Variants in MRNIP observed in about 807,000 individuals in gnomAD.
MRNIP encodes the protein MRN complex-interacting protein.
In MRNIP, 30 loss-of-function variants were observed where a neutral mutation model predicts 29.8. That is an observed-to-expected ratio of 1.01 (90% CI 0.75 to 1.36). The LOEUF is 1.36. Among genes scored for constraint, MRNIP ranks in the 40% most tolerant of loss-of-function variants. The probability of loss-of-function intolerance (pLI) is 0.00; values close to 1 mark genes in which losing one functional copy is unlikely to be tolerated. For synonymous variants in MRNIP, 201 were observed against 164.1 expected (o/e 1.23, Z -1.72); for missense variants, 459 against 423.5 (o/e 1.08, Z -0.74).
chr5:179,841,668 C>G, intron 5 of MRNIP: 4 of 557,958 alleles, frequency 7.2e-6, no homozygotes, highest in Non-Finnish European at 1.3e-5. Flanking sequence ...ATTAAGTGGG[C>G]ATCATAAAGG....
intron 3 of MRNIP, 105 bp from the exon 4 acceptor site, chr5:179,844,332 C>G: frequency 1.2e-6 from 1 of 864,372 alleles, no homozygotes. Flanking sequence ...GCAGGTGGAT[C>G]ACCTGAGGTC....
chr5:179,842,956 T>C (rs936393225), intron 4 of MRNIP, among the ~76,000 whole-genome samples: 1 of 149,444 alleles, frequency 6.7e-6, no homozygotes, highest in Non-Finnish European at 1.5e-5. Flanking sequence ...TTGCTTGAAC[T>C]CAGGAGGCAG....
At position 179,855,037 on chromosome 5, in the gene MRNIP, C is replaced by A. The variant is rs1234135314; in HGVS notation, c.67-1600G>T. ...ATAAAAATTATAAAGGAGCGGAAAA[C>A]CCTATCATTATTTATAGACATAATT... On this transcript the variant is annotated intron_variant, in intron 1 of 6. Coordinates refer to ENST00000292586, the MANE Select transcript of MRNIP (RefSeq NM_016175.4). Among the ~76,000 whole-genome samples the A allele has an allele frequency of 2.0e-5, 3 of 152,154 alleles. No individual in the cohort carries two copies. The East Asian group carries it at 5.8e-4, about 29-fold the overall frequency.
rs371216766 is a variant in MRNIP at position 179,844,778 on chromosome 5, A to T, written c.216-551T>A. Among the ~76,000 whole-genome samples the T allele has an allele frequency of 1.1e-4, 16 of 152,294 alleles. No homozygotes were observed. In the South Asian group the frequency reaches 2.5e-3, roughly 24 times the overall value. ...AATTGTCCACTGCATATATATAGAA[A>T]TACAATTTAATTTTGTATGTTGACC... On this transcript the variant is annotated intron_variant, in intron 3 of 6. Coordinates refer to ENST00000292586, the MANE Select transcript of MRNIP (RefSeq NM_016175.4).
At chr5:179,842,380 C>A (rs1758916361) in intron 4 of MRNIP, among the ~76,000 whole-genome samples, 3 of 151,950 alleles carry the variant, frequency 2.0e-5, no homozygotes, top group Admixed American at 2.0e-4. Context: ...TAGCAAATTT[C>A]ATTTATAAGA....
chr5:179,837,912 C>T, intron 6 of MRNIP, 27 bp from the exon 7 acceptor site: 1 of 1,591,094 alleles, frequency 6.3e-7, no homozygotes, highest in Non-Finnish European at 8.5e-7. Flanking sequence ...CCATGCCCTC[C>T]ATGTGTAAGA....
chr5:179,851,357 ACT>A, intron 2 of MRNIP: 1 of 455,928 alleles, frequency 2.2e-6, no homozygotes, highest in East Asian at 7.0e-5. Flanking sequence ...TATAATTGAG[ACT>A]CAGCTCTTCC....
intron 1 of MRNIP, among the ~76,000 whole-genome samples, chr5:179,854,128 C>A (rs986081358): frequency 1.3e-5 from 2 of 151,024 alleles, no homozygotes; most frequent in South Asian, 4.2e-4. Flanking sequence ...TCACGCCATT[C>A]TCCTGTGTCA....
At position 179,849,375 on chromosome 5, in the gene MRNIP, G is replaced by A. The variant is rs139809147; in HGVS notation, c.127-1309C>T. The stretch of plus-strand genomic sequence containing the variant: ...GATGGAATTTGTGACCATGGATCCT[G>A]CAATGACACAGGCAGATGGTAAGAG... On this transcript the variant is annotated intron_variant, in intron 2 of 6. Transcript: ENST00000292586. Among the ~76,000 whole-genome samples the A allele has an allele frequency of 7.3e-3, 1,104 of 150,694 alleles. 22 individuals carry two copies. The highest frequency in any genetic ancestry group is 0.026 in the African/African-American group (1,053 of 40,466).
chr5:179,845,616 C>T (rs1759095465), intron 3 of MRNIP, among the ~76,000 whole-genome samples: 1 of 151,670 alleles, frequency 6.6e-6, no homozygotes, highest in African/African-American at 2.4e-5. Context: ...ATGCCTCAGC[C>T]TCCTGAGTAG....
chr5:179,848,154 A>G, intron 2 of MRNIP, 88 bp from the exon 3 acceptor site: 1 of 996,676 alleles, frequency 1.0e-6, no homozygotes, highest in Non-Finnish European at 1.6e-6. Flanking sequence ...CAGGGAGGAC[A>G]AAGCTGTATT....
intron 2 of MRNIP, 102 bp downstream of exon 2, chr5:179,853,274 ACT>A: frequency 1.0e-5 from 16 of 1,597,894 alleles, no homozygotes; most frequent in Non-Finnish European, 1.4e-5. Context: ...TGTCTGGGGA[ACT>A]CTGTTTGAGA....
intron 2 of MRNIP, among the ~76,000 whole-genome samples, chr5:179,848,737 A>G (rs1759230820): frequency 6.6e-6 from 1 of 152,372 alleles, no homozygotes; most frequent in South Asian, 2.1e-4. Flanking sequence ...TAAGGTGTTC[A>G]AAATGGTCAA....
At chr5:179,853,497 C>G in intron 1 of MRNIP, 60 bp from the exon 2 acceptor site, 2 of 1,428,434 alleles carry the variant, frequency 1.4e-6, no homozygotes, top group Non-Finnish European at 1.9e-6. Context: ...TGGAATTGGG[C>G]TGGACTCGGT....
chr5:179,844,288 C>T, intron 3 of MRNIP, 61 bp from the exon 4 acceptor site: 1 of 1,384,798 alleles, frequency 7.2e-7, no homozygotes, highest in South Asian at 1.2e-5. Flanking sequence ...CACAGTGGCT[C>T]ACTCCTGTAA....
intron 6 of MRNIP, 161 bp downstream of exon 6, chr5:179,840,711 G>A (rs1758842355): frequency 1.5e-6 from 1 of 646,974 alleles, no homozygotes; most frequent in Admixed American, 2.3e-5. Context: ...ACAGACCCGA[G>A]GAAGGAGTTG....
At chr5:179,839,186 G>C (rs1322293900) in intron 6 of MRNIP, 1 of 151,872 alleles carries the variant, frequency 6.6e-6, no homozygotes, top group Non-Finnish European at 1.5e-5. Flanking sequence ...GGGAGGCGGA[G>C]GTTGCAGTGA....
At chr5:179,845,908 G>A (rs1036942115) in intron 3 of MRNIP, 1 of 152,152 alleles carries the variant, frequency 6.6e-6, no homozygotes, top group Non-Finnish European at 1.5e-5. Flanking sequence ...TGGATGGCTA[G>A]GTGGTGTCCC....
chr5:179,850,031 G>T (rs540639643), intron 2 of MRNIP, among the ~76,000 whole-genome samples: 2 of 150,304 alleles, frequency 1.3e-5, no homozygotes, highest in African/African-American at 4.9e-5. Flanking sequence ...TCCCGCTATC[G>T]CACAGGCAGA....
Sources: allele counts gnomAD v4.1 joint callset (sites outside exome capture counted in the v4.1 genomes callset), GRCh38; gene constraint gnomAD v4.1.1; transcripts MANE v1.5; gene names NCBI Gene and HGNC (gene_info 2026-07-23, HGNC 2026-07-21).